Variants in USE1 observed in about 807,000 individuals in gnomAD.
USE1 encodes vesicle transport protein USE1.
Under a neutral mutation model 37.6 loss-of-function variants are expected in USE1, and 32 were observed. The observed-to-expected ratio is 0.85, with a 90% CI of 0.64 to 1.14. USE1 has a LOEUF of 1.14. Ranked by LOEUF, USE1 falls within the 50% of genes most tolerant of loss-of-function variation. USE1 has a pLI of 0.00. For missense variants in USE1, 310 were observed against 332.2 expected, an observed-to-expected ratio of 0.93 and a Z score of 0.52; for synonymous variants, 149 against 137.6, an observed-to-expected ratio of 1.08 and a Z score of -0.58.
intron 7 of USE1, 24 bp downstream of exon 7, chr19:17,219,411 C>T: frequency 6.5e-7 from 1 of 1,543,698 alleles, no homozygotes; most frequent in East Asian, 2.5e-5. Context: ...GGGAGCTCTC[C>T]AGCCTCTGCC....
intron 6 of USE1, chr19:17,218,692 T>G (rs2073305287): frequency 3.6e-6 from 1 of 276,314 alleles, no homozygotes; most frequent in African/African-American, 2.2e-5. Flanking sequence ...CCGGGCATGG[T>G]GGCATGCGCC....
intron 6 of USE1, chr19:17,218,825 T>TC (rs1555708297): frequency 1.3e-4 from 2 of 15,762 alleles, no homozygotes; most frequent in Non-Finnish European, 2.2e-4. Context: ...AGATGCTGTC[T>TC]CAAAAAAAAA....
chr19:17,217,908 T>G, intron 5 of USE1: 1 of 315,196 alleles, frequency 3.2e-6, no homozygotes, highest in Non-Finnish European at 6.1e-6. Context: ...CAAGACTCCG[T>G]CTCAAAAAAA....
chr19:17,215,733 C>A, intron 1 of USE1, 69 bp from the exon 2 acceptor site: 1 of 1,333,750 alleles, frequency 7.5e-7, no homozygotes, highest in Non-Finnish European at 1.0e-6. Flanking sequence ...TTGTCGGCCC[C>A]GCCCCCCCGA....
chr19:17,219,126 CAAAAAAAA>C, intron 6 of USE1, 79 bp from the exon 7 acceptor site: 2 of 1,320,744 alleles, frequency 1.5e-6, no homozygotes, highest in East Asian at 5.5e-5. Flanking sequence ...GACTCTGTAT[CAAAAAAAA>C]AAAAAAAGAA....
rs141113430 is a variant in USE1, at chr19:17,219,658, G to C, written c.625G>C (p.Asp209His). 1 of 1,609,356 alleles carries C rather than the reference G, an allele frequency of 6.2e-7. No homozygotes were observed. The highest frequency in any genetic ancestry group is 8.5e-7 in the Non-Finnish European group (1 of 1,176,696). ...QTLSHSLKMA[D>H]QNLEKLKTES... ...CCTGTCACACTCACTGAAAATGGCGGACCAGAACCTGGAGAAACTGAAGAC... is the reference window on the plus strand; with the variant it reads ...CCTGTCACACTCACTGAAAATGGCGCACCAGAACCTGGAGAAACTGAAGAC... The change falls in exon 8 of 8, where the codon GAC becomes CAC. Residue 209 changes from aspartate (D) to histidine (H), a missense_variant. Transcript: ENST00000263897.
At chr19:17,217,405 G>A (rs1484461752) in intron 4 of USE1, 48 bp from the exon 5 acceptor site, 4 of 1,604,696 alleles carry the variant, frequency 2.5e-6, no homozygotes, top group Non-Finnish European at 3.4e-6. Flanking sequence ...CAAAGTGCTG[G>A]GAGTGAGCCA....
chr19:17,217,026 C>G (rs2145544892), intron 4 of USE1, among the ~76,000 whole-genome samples: 1 of 151,682 alleles, frequency 6.6e-6, no homozygotes, highest in Non-Finnish European at 1.5e-5. Context: ...GTTGAGGAAA[C>G]AGGCTCAGAG....
At chr19:17,217,369 C>G in intron 4 of USE1, 84 bp from the exon 5 acceptor site, 1 of 1,497,094 alleles carries the variant, frequency 6.7e-7, no homozygotes, top group Middle Eastern at 1.7e-4. Context: ...CTTCTGACCT[C>G]AGGTGATCTG....
rs1247067151 is a variant in USE1, at chr19:17,215,372, G to A, written c.-34G>A. On this transcript the variant is annotated 5_prime_UTR_variant, in exon 1 of 8. Coordinates refer to ENST00000263897, the MANE Select transcript of USE1 (RefSeq NM_018467.4). ...CACTTCCGCCCTCTCTTAACATGGA[G>A]CCGGCGGAAGGGGTGGTGTAGGGCC... is the stretch of plus-strand genomic sequence containing the variant. The A allele has an allele frequency of 6.5e-7, 1 of 1,545,466 alleles. No homozygotes were observed. Among genetic ancestry groups the A allele is most frequent in the South Asian group, 1.2e-5 (1 of 83,952 alleles).
chr19:17,215,642 C>G, intron 1 of USE1, 135 bp downstream of exon 1: 1 of 1,330,768 alleles, frequency 7.5e-7, no homozygotes, highest in African/African-American at 1.4e-5. Context: ...CCGCCACGTC[C>G]ACCTGTAGCT....
intron 5 of USE1, chr19:17,217,878 C>T: frequency 2.8e-6 from 1 of 353,904 alleles, no homozygotes. Context: ...CACCACTGCA[C>T]TCCAGCCGGG....
In USE1 at chr19:17,215,523, A is replaced by G. The variant is rs1187573186; in HGVS notation, c.102+16A>G. Reference sequence around the variant, plus strand: ...CCTGGAGAAGGTGAGGGGATCTCGCACTGCCGCGTAGAGCCCGACTCCCGG... The same window carrying G: ...CCTGGAGAAGGTGAGGGGATCTCGCGCTGCCGCGTAGAGCCCGACTCCCGG... On this transcript the variant is annotated intron_variant, in intron 1 of 7. Coordinates refer to ENST00000263897, the MANE Select transcript of USE1 (RefSeq NM_018467.4). 1.9e-6 allele frequency: 3 copies of G among 1,551,668 alleles called. No homozygotes were observed. The South Asian group carries it at 3.6e-5, about 18-fold the overall frequency.
intron 4 of USE1, among the ~76,000 whole-genome samples, chr19:17,216,721 T>C (rs1488519224): frequency 6.6e-6 from 1 of 152,204 alleles, no homozygotes; most frequent in Non-Finnish European, 1.5e-5. Flanking sequence ...AGCTCACGCC[T>C]GTAATCCCAG....
chr19:17,217,381 C>G, intron 4 of USE1, 72 bp from the exon 5 acceptor site: 1 of 1,563,868 alleles, frequency 6.4e-7, no homozygotes, highest in Non-Finnish European at 8.7e-7. Context: ...GGTGATCTGC[C>G]CACCTTGGCC....
Position 17,215,838 on chromosome 19 carries a change from AAGGTCCACGCG to A in USE1, c.144_152+2del. ...CCTAGAGGACATGTTGCAGGCCCTG[AAGGTCCACGCG>A]AGGTGAGTGCAGGCAGCCTCAGGGC... On this transcript the variant is annotated frameshift_variant and splice_region_variant, in exon 2 of 8. Transcript: ENST00000263897. LOFTEE classifies it high-confidence loss of function. 1 of 1,609,652 alleles carries A rather than the reference AAGGTCCACGCG, an allele frequency of 6.2e-7. No individual in the cohort carries two copies. The highest frequency in any genetic ancestry group is 1.7e-5 in the Admixed American group (1 of 59,512).
chr19:17,218,635 G>A, intron 6 of USE1: 1 of 412,366 alleles, frequency 2.4e-6, no homozygotes, highest in South Asian at 3.4e-5. Context: ...AGACCAGTCT[G>A]GCCAACATGG....
intron 1 of USE1, 115 bp from the exon 2 acceptor site, chr19:17,215,687 A>AC: frequency 3.3e-6 from 1 of 306,526 alleles, no homozygotes; most frequent in South Asian, 3.2e-5. Flanking sequence ...CCCCTCCCCC[A>AC]CTGGCCCCGC....
Position 17,219,243 on chromosome 19 carries a change from G to C in USE1, c.453G>C (p.Glu151Asp), listed in dbSNP as rs1415251429. Residue 151 changes from glutamate to aspartate, a missense_variant, in exon 7 of 8, where the codon GAG becomes GAC. Glu to Asp is a conservative substitution (Grantham distance 45). Coordinates refer to ENST00000263897, the MANE Select transcript of USE1 (RefSeq NM_018467.4). Reference protein sequence around the residue: ...TGVAGSQPVSEKQLAAELDLV... With the variant: ...TGVAGSQPVSDKQLAAELDLV... ...TGGCAGGGTCCCAGCCAGTGAGTGA[G>C]AAGCAGTTGGCAGCTGAGCTAGACC... The C allele has an allele frequency of 6.2e-7, 1 of 1,613,852 alleles. No individual in the cohort carries two copies. Among genetic ancestry groups the C allele is most frequent in the Admixed American group, 1.7e-5 (1 of 59,994 alleles).
Sources: gnomAD v4.1 joint callset for allele counts (sites outside exome capture counted in the v4.1 genomes callset) on GRCh38, gnomAD v4.1.1 for gene constraint, MANE v1.5 for transcripts, NCBI Gene and HGNC (gene_info 2026-07-23, HGNC 2026-07-21) for gene names.